The following PTPRD variants were observed in gnomAD, a reference collection of about 807,000 sequenced individuals.
PTPRD encodes receptor-type tyrosine-protein phosphatase delta.
Under a neutral mutation model 214.5 loss-of-function variants are expected in PTPRD, and 34 were observed. The ratio of observed to expected loss-of-function variants is 0.16; its 90% CI spans 0.12 to 0.21. The LOEUF is 0.21. Ranked by LOEUF, PTPRD falls within the 10% of genes least tolerant of loss-of-function variation. The pLI is 1.00. For synonymous variants in PTPRD, 1,128 were observed against 845.7 expected, an observed-to-expected ratio of 1.33 and a Z score of -5.79; for missense variants, 2,545 against 2,398.7, an observed-to-expected ratio of 1.06 and a Z score of -1.27.
intron 10 of PTPRD, among the ~76,000 whole-genome samples, chr9:9,121,073 G>T (rs2099817148): frequency 6.6e-6 from 1 of 152,172 alleles, no homozygotes. Flanking sequence ...ACCTCCAGGA[G>T]TCCAATTTTC....
intron 7 of PTPRD, among the ~76,000 whole-genome samples, chr9:9,655,344 C>T (rs2096482483): frequency 6.6e-6 from 1 of 152,088 alleles, no homozygotes; most frequent in East Asian, 1.9e-4. Context: ...TCAAGGTGGG[C>T]AGATCACCTG....
rs7859249 is a variant in PTPRD, at chr9:9,722,945, A to T, written c.-287+11588T>A. Among the ~76,000 whole-genome samples, 701 of 152,144 alleles carry T rather than the reference A, an allele frequency of 4.6e-3. 4 individuals are homozygous for T. The highest frequency in any genetic ancestry group is 0.016 in the African/African-American group (674 of 41,548). On this transcript the variant is annotated intron_variant, in intron 7 of 45. Coordinates refer to ENST00000381196, the MANE Select transcript of PTPRD (RefSeq NM_002839.4). Reference sequence around the variant, plus strand: ...TATATATTTTAGATGCTAATGTCTTATTGGATATATGATTTCACAACACTT... The same window carrying T: ...TATATATTTTAGATGCTAATGTCTTTTTGGATATATGATTTCACAACACTT...
intron 10 of PTPRD, among the ~76,000 whole-genome samples, chr9:9,045,572 A>G (rs983322964): frequency 1.3e-5 from 2 of 152,182 alleles, no homozygotes; most frequent in Non-Finnish European, 2.9e-5. Context: ...GGTTGCTTCT[A>G]TGTTATGAAG....
At chr9:9,577,159 A>T (rs536721856) in intron 7 of PTPRD, among the ~76,000 whole-genome samples, 38 of 152,328 alleles carry the variant, frequency 2.5e-4, no homozygotes, top group African/African-American at 8.9e-4. Flanking sequence ...CAAATCAGAT[A>T]GGTAATTTTA....
intron 2 of PTPRD, among the ~76,000 whole-genome samples, chr9:10,377,824 G>T (rs1446497477): frequency 6.6e-6 from 1 of 152,060 alleles, no homozygotes; most frequent in Non-Finnish European, 1.5e-5. Flanking sequence ...TGGGCACTTA[G>T]GTTGTTTTCA....
At chr9:9,601,699 G>A (rs2093782293) in intron 7 of PTPRD, among the ~76,000 whole-genome samples, 4 of 152,042 alleles carry the variant, frequency 2.6e-5, no homozygotes, top group Non-Finnish European at 5.9e-5. Flanking sequence ...GGACTACTGT[G>A]TATAAGAACT....
intron 43 of PTPRD, among the ~76,000 whole-genome samples, chr9:8,337,774 G>T (rs994374591): frequency 1.3e-5 from 2 of 151,922 alleles, no homozygotes; most frequent in Non-Finnish European, 2.9e-5. Context: ...GGTGGGGCCT[G>T]GTGCCTTTTC....
At chr9:9,444,872 T>C (rs1174557680) in intron 8 of PTPRD, among the ~76,000 whole-genome samples, 1 of 152,196 alleles carries the variant, frequency 6.6e-6, no homozygotes, top group African/African-American at 2.4e-5. Context: ...AATACATGCC[T>C]ACTTGCAAGT....
chr9:10,272,247 T>C (rs1325842455), intron 3 of PTPRD, among the ~76,000 whole-genome samples: 2 of 152,226 alleles, frequency 1.3e-5, no homozygotes, highest in African/African-American at 4.8e-5. Context: ...TAACATAATG[T>C]TTTCAAGATA....
intron 10 of PTPRD, among the ~76,000 whole-genome samples, chr9:9,101,988 T>G (rs1281072496): frequency 6.6e-6 from 1 of 152,200 alleles, no homozygotes; most frequent in African/African-American, 2.4e-5. Context: ...ACAACTTTTT[T>G]GGGGCTAATT....
At chr9:10,059,153 G>C (rs957288070) in intron 3 of PTPRD, among the ~76,000 whole-genome samples, 9 of 152,094 alleles carry the variant, frequency 5.9e-5, no homozygotes, top group African/African-American at 1.9e-4. Context: ...GAAGCAGTAA[G>C]TTCAAATTTA....
intron 2 of PTPRD, among the ~76,000 whole-genome samples, chr9:10,509,437 T>C (rs981519913): frequency 6.0e-5 from 9 of 149,534 alleles, no homozygotes; most frequent in African/African-American, 2.2e-4. Flanking sequence ...TAGGTACTCT[T>C]TCATGTTGGC....
chr9:9,395,941 T>C (rs544805570), intron 9 of PTPRD, among the ~76,000 whole-genome samples: 2 of 152,100 alleles, frequency 1.3e-5, no homozygotes, highest in Non-Finnish European at 2.9e-5. Context: ...TTTGAATAGA[T>C]TGCAGTATTA....
At chr9:8,850,055 T>A (rs925815894) in intron 11 of PTPRD, among the ~76,000 whole-genome samples, 14 of 152,082 alleles carry the variant, frequency 9.2e-5, no homozygotes, top group African/African-American at 3.4e-4. Flanking sequence ...GAGATAGGGA[T>A]GACACCAAGG....
intron 33 of PTPRD, among the ~76,000 whole-genome samples, chr9:8,458,102 G>A (rs1376316891): frequency 3.3e-5 from 5 of 152,142 alleles, no homozygotes; most frequent in Middle Eastern, 3.4e-3. Context: ...CTTAGCATTC[G>A]AGGATGTGTG....
At chr9:8,897,516 C>A (rs547122375) in intron 11 of PTPRD, among the ~76,000 whole-genome samples, 1 of 152,164 alleles carries the variant, frequency 6.6e-6, no homozygotes, top group Non-Finnish European at 1.5e-5. Context: ...AGATTTTGAA[C>A]CTGGACCTAG....
chr9:8,585,308 A>G (rs917671010), intron 14 of PTPRD, among the ~76,000 whole-genome samples: 1 of 152,192 alleles, frequency 6.6e-6, no homozygotes, highest in African/African-American at 2.4e-5. Flanking sequence ...TTAACTTTAT[A>G]AAAAGAACAG....
At chr9:8,326,053 A>G (rs1385782614) in intron 44 of PTPRD, among the ~76,000 whole-genome samples, 1 of 152,070 alleles carries the variant, frequency 6.6e-6, no homozygotes, top group Admixed American at 6.6e-5. Flanking sequence ...TAATTGAATA[A>G]CATTTATTTC....
At chr9:9,783,381 C>T (rs564697142) in intron 5 of PTPRD, among the ~76,000 whole-genome samples, 1 of 152,202 alleles carries the variant, frequency 6.6e-6, no homozygotes, top group East Asian at 1.9e-4. Flanking sequence ...TTTCATTAGA[C>T]TTCTCTTTTC....
Sources: allele counts gnomAD v4.1 joint callset (sites outside exome capture counted in the v4.1 genomes callset), GRCh38; gene constraint gnomAD v4.1.1; transcripts MANE v1.5; gene names NCBI Gene and HGNC (gene_info 2026-07-23, HGNC 2026-07-21).